The following TXNDC16 variants were observed in gnomAD, a reference collection of about 807,000 sequenced individuals.
TXNDC16 encodes the protein thioredoxin domain-containing protein 16.
TXNDC16 carries 74 observed loss-of-function variants against 85.6 expected under a neutral mutation model. The observed-to-expected ratio is 0.86, with a 90% CI of 0.72 to 1.05. The LOEUF (loss-of-function observed/expected upper bound fraction) is 1.05. Among genes scored for constraint, TXNDC16 ranks in the 50% least tolerant of loss-of-function variants. The probability of loss-of-function intolerance (pLI) is 0.00; values close to 1 mark genes in which losing one functional copy is unlikely to be tolerated. For missense variants in TXNDC16, 959 were observed against 947.0 expected, an observed-to-expected ratio of 1.01 and a Z score of -0.17; for synonymous variants, 335 against 326.5, an observed-to-expected ratio of 1.03 and a Z score of -0.28.
At position 52,443,362 on chromosome 14, in the gene TXNDC16, G is replaced by A. The variant is rs139239864; in HGVS notation, c.1843-2638C>T. Among the ~76,000 whole-genome samples, 329 of 152,192 alleles carry A rather than the reference G, an allele frequency of 2.2e-3. 1 individual carries two copies. The highest frequency in any genetic ancestry group is 7.8e-3 in the African/African-American group (322 of 41,498). ...CTTGCAGATGGCCTATTGTGGGACC[G>A]TGTGATTTTTATTAGTTAAAACTTA... On this transcript the variant is annotated intron_variant, in intron 18 of 20. Coordinates refer to ENST00000281741, the MANE Select transcript of TXNDC16 (RefSeq NM_020784.3).
rs1444539530 is a variant in TXNDC16 at position 52,432,277 on chromosome 14, A to T, written c.*27T>A. On this transcript the variant is annotated 3_prime_UTR_variant, in exon 21 of 21. Transcript: ENST00000281741. The stretch of plus-strand genomic sequence containing the variant: ...TAAATTAAGTCTATCATGCCAAAAA[A>T]ATTTTGGAAACCACAGCCCTATAAA... The T allele has an allele frequency of 3.2e-6, 5 of 1,548,074 alleles. No individual in the cohort carries two copies. The South Asian group carries it at 3.8e-5, about 12-fold the overall frequency.
chr14:52,512,515 C>A (rs182813257), intron 8 of TXNDC16, among the ~76,000 whole-genome samples: 57 of 152,208 alleles, frequency 3.7e-4, no homozygotes, highest in African/African-American at 1.3e-3. Context: ...TGAGGAGATT[C>A]CTGAATAGTC....
intron 14 of TXNDC16, 146 bp from the exon 15 acceptor site, chr14:52,470,826 G>C: frequency 7.3e-6 from 5 of 683,508 alleles, no homozygotes; most frequent in Non-Finnish European, 1.1e-5. Flanking sequence ...CTTGATCTTT[G>C]CAACACCATT....
Position 52,517,682 on chromosome 14 carries a change from C to G in TXNDC16, c.514+1490G>C, listed in dbSNP as rs75907249. The stretch of plus-strand genomic sequence containing the variant: ...TACATTCCATCCTCTCTTGCCTACT[C>G]GAAAACTTTGCTCCACCAACTCCCC... On this transcript the variant is annotated intron_variant, in intron 7 of 20. Transcript: ENST00000281741. Among the ~76,000 whole-genome samples, 389 of 152,176 alleles carry G rather than the reference C, an allele frequency of 2.6e-3. 3 individuals are homozygous for G. Among genetic ancestry groups the G allele is most frequent in the Admixed American group, 4.6e-3 (71 of 15,286 alleles).
chr14:52,430,694 T>C lies in TXNDC16; in HGVS notation c.*1610A>G, dbSNP rs1488449197. 6.6e-6 allele frequency: 1 copy of C among 152,254 alleles called. No homozygotes were observed. The highest frequency in any genetic ancestry group is 1.5e-5 in the Non-Finnish European group (1 of 68,040). 9.4% of individuals were successfully genotyped at this position (152,254 alleles called of 1,614,324 possible). On this transcript the variant is annotated 3_prime_UTR_variant, in exon 21 of 21. Coordinates refer to ENST00000281741, the MANE Select transcript of TXNDC16 (RefSeq NM_020784.3). ...CAATGACTAAGCAATTTCATGTTTC[T>C]ATGTGCTGGTACTTAATTAGCATTT...
chr14:52,472,192 T>C (rs79204068), intron 14 of TXNDC16, among the ~76,000 whole-genome samples: 1,622 of 152,050 alleles, frequency 0.011, 10 homozygotes, highest in Non-Finnish European at 0.017. Flanking sequence ...GTCTGTCTTT[T>C]TTTTTTTTGC....
chr14:52,480,367 C>A (rs2036117161), intron 14 of TXNDC16, among the ~76,000 whole-genome samples: 1 of 151,930 alleles, frequency 6.6e-6, no homozygotes, highest in Admixed American at 6.6e-5. Flanking sequence ...AGGAACAGTC[C>A]AGCAGAGTAA....
intron 6 of TXNDC16, among the ~76,000 whole-genome samples, chr14:52,531,128 C>G (rs1199417220): frequency 6.6e-6 from 1 of 152,008 alleles, no homozygotes; most frequent in Non-Finnish European, 1.5e-5. Context: ...CAAAGAGATA[C>G]CACTATATAC....
chr14:52,549,511 ATGAGGATT>A (rs1458165764), intron 1 of TXNDC16, among the ~76,000 whole-genome samples: 1 of 152,190 alleles, frequency 6.6e-6, no homozygotes, highest in African/African-American at 2.4e-5. Context: ...AGGAGACAGT[ATGAGGATT>A]TGCCTTTGTG....
intron 1 of TXNDC16, 122 bp downstream of exon 1, chr14:52,552,194 G>A (rs1048814364): frequency 6.6e-6 from 1 of 152,300 alleles, no homozygotes; most frequent in Non-Finnish European, 1.5e-5. Context: ...CCCCAGAGAC[G>A]GGTGTCTTAA....
intron 7 of TXNDC16, among the ~76,000 whole-genome samples, chr14:52,517,014 C>G (rs1039725409): frequency 6.6e-6 from 1 of 152,096 alleles, no homozygotes; most frequent in Non-Finnish European, 1.5e-5. Context: ...CATATCTTAA[C>G]CACTAACTCT....
At chr14:52,494,918 A>C (rs944401300) in intron 9 of TXNDC16, among the ~76,000 whole-genome samples, 1 of 152,218 alleles carries the variant, frequency 6.6e-6, no homozygotes, top group African/African-American at 2.4e-5. Flanking sequence ...ACAATACCTT[A>C]ATGTCACATG....
intron 20 of TXNDC16, 140 bp from the exon 21 acceptor site, chr14:52,432,727 G>T: frequency 1.2e-6 from 1 of 825,046 alleles, no homozygotes; most frequent in South Asian, 2.9e-5. Flanking sequence ...GCAAAGCTAG[G>T]AATTTTTTTA....
At chr14:52,486,151 C>A (rs1262286560) in intron 12 of TXNDC16, among the ~76,000 whole-genome samples, 1 of 151,706 alleles carries the variant, frequency 6.6e-6, no homozygotes, top group Non-Finnish European at 1.5e-5. Context: ...TCTTCTGTTT[C>A]TTTTTCCTCC....
At chr14:52,516,964 C>CA (rs1049246837) in intron 7 of TXNDC16, among the ~76,000 whole-genome samples, 31 of 152,250 alleles carry the variant, frequency 2.0e-4, no homozygotes, top group Admixed American at 9.8e-4. Flanking sequence ...CCCAGCCTCT[C>CA]AGGCCTTGGC....
intron 18 of TXNDC16, among the ~76,000 whole-genome samples, chr14:52,445,507 T>C (rs1362354532): frequency 6.6e-6 from 1 of 152,170 alleles, no homozygotes; most frequent in Admixed American, 6.5e-5. Context: ...TGTAGAAAAG[T>C]ATAAATTCTA....
intron 5 of TXNDC16, 68 bp from the exon 6 acceptor site, chr14:52,536,861 C>T (rs2037714317): frequency 7.5e-7 from 1 of 1,331,004 alleles, no homozygotes; most frequent in African/African-American, 1.5e-5. Context: ...ATTCAATTTA[C>T]TTGTCTATCA....
intron 6 of TXNDC16, among the ~76,000 whole-genome samples, chr14:52,533,952 A>G (rs950315883): frequency 3.3e-5 from 5 of 152,338 alleles, no homozygotes; most frequent in African/African-American, 1.2e-4. Context: ...CTGAAGGATT[A>G]GGAGAGGAAT....
At chr14:52,483,033 TA>T (rs1362532018) in intron 12 of TXNDC16, 68 bp from the exon 13 acceptor site, 1 of 1,293,430 alleles carries the variant, frequency 7.7e-7, no homozygotes, top group Non-Finnish European at 1.1e-6. Context: ...GCTCTTCTCA[TA>T]GGAAGCATAT....
Sources: allele counts gnomAD v4.1 joint callset (sites outside exome capture counted in the v4.1 genomes callset), GRCh38; gene constraint gnomAD v4.1.1; transcripts MANE v1.5; gene names NCBI Gene and HGNC (gene_info 2026-07-23, HGNC 2026-07-21).